Variants in LPP observed in about 807,000 individuals in gnomAD.
LPP encodes the protein lipoma-preferred partner.
LPP carries 38 observed loss-of-function variants against 60.4 expected under a neutral mutation model. That is an observed-to-expected ratio of 0.63 (90% CI 0.49 to 0.83). The LOEUF (loss-of-function observed/expected upper bound fraction) is 0.83, where lower values mean the gene tolerates loss of function less well. Among genes scored for constraint, LPP ranks in the 40% least tolerant of loss-of-function variants. The probability of loss-of-function intolerance (pLI) is 0.00; values close to 1 mark genes in which losing one functional copy is unlikely to be tolerated. For missense variants in LPP, 902 were observed against 783.6 expected (o/e 1.15, Z -1.80); for synonymous variants, 328 against 290.8 (o/e 1.13, Z -1.30).
intron 9 of LPP, among the ~76,000 whole-genome samples, chr3:188,838,277 TG>T (rs1363773599): frequency 6.6e-6 from 1 of 151,778 alleles, no homozygotes; most frequent in Non-Finnish European, 1.5e-5. Context: ...ATTTTACGGA[TG>T]AAAAAAAGAT....
intron 2 of LPP, among the ~76,000 whole-genome samples, chr3:188,339,780 T>C (rs568441255): frequency 1.1e-3 from 166 of 152,310 alleles, no homozygotes; most frequent in Admixed American, 1.4e-3. Context: ...TATCACACTC[T>C]TCACAAAACT....
chr3:188,815,308 A>G (rs1752168839), intron 9 of LPP, among the ~76,000 whole-genome samples: 1 of 152,184 alleles, frequency 6.6e-6, no homozygotes, highest in African/African-American at 2.4e-5. Flanking sequence ...CACCAATACA[A>G]TACAAGCATA....
chr3:188,675,051 T>C (rs1371760151), intron 7 of LPP, among the ~76,000 whole-genome samples: 1 of 97,388 alleles, frequency 1.0e-5, no homozygotes, highest in Non-Finnish European at 2.0e-5. Context: ...ATAGGAGTAA[T>C]TCAGAAATTT....
intron 1 of LPP, among the ~76,000 whole-genome samples, chr3:188,188,075 C>T (rs1157886785): frequency 1.3e-5 from 2 of 152,062 alleles, no homozygotes; most frequent in African/African-American, 4.8e-5. Context: ...ATAAATAATA[C>T]TCTTTTGAAC....
chr3:188,599,722 C>T (rs572850538), intron 6 of LPP, among the ~76,000 whole-genome samples: 6 of 149,248 alleles, frequency 4.0e-5, no homozygotes, highest in African/African-American at 1.5e-4. Context: ...GTGCATCTCT[C>T]TGGCAAAAAC....
At chr3:188,800,284 C>T (rs111658980) in intron 9 of LPP, among the ~76,000 whole-genome samples, 12,005 of 122,472 alleles carry the variant, frequency 0.098, 714 homozygotes, top group African/African-American at 0.18. Flanking sequence ...CTCGCTCTGT[C>T]GCTCAGGCTG....
intron 8 of LPP, among the ~76,000 whole-genome samples, chr3:188,723,909 C>G (rs1039091481): frequency 3.9e-5 from 6 of 152,058 alleles, no homozygotes; most frequent in South Asian, 4.1e-4. Flanking sequence ...GCACATCTTT[C>G]TTATCTTACT....
intron 2 of LPP, among the ~76,000 whole-genome samples, chr3:188,240,366 T>TGAGA: frequency 6.8e-6 from 1 of 147,494 alleles, no homozygotes; most frequent in African/African-American, 2.7e-5. Context: ...TGTGTGTGTG[T>TGAGA]GTGTGTGTGT....
At chr3:188,229,773 A>G (rs1254145033) in intron 2 of LPP, among the ~76,000 whole-genome samples, 2 of 152,194 alleles carry the variant, frequency 1.3e-5, no homozygotes, top group Non-Finnish European at 2.9e-5. Flanking sequence ...CTTCTGGCAC[A>G]GTGGAGATAC....
chr3:188,857,845 G>T (rs1368328186), intron 9 of LPP, among the ~76,000 whole-genome samples: 1 of 152,090 alleles, frequency 6.6e-6, no homozygotes. Context: ...TAGAAATACG[G>T]TGCTTCAGTG....
chr3:188,328,139 C>T (rs1323209104), intron 2 of LPP, among the ~76,000 whole-genome samples: 2 of 152,058 alleles, frequency 1.3e-5, no homozygotes, highest in African/African-American at 2.4e-5. Context: ...CAAAACTTGA[C>T]AGTTTTCACA....
chr3:188,530,808 G>A (rs774702308), intron 6 of LPP, among the ~76,000 whole-genome samples: 2 of 152,132 alleles, frequency 1.3e-5, no homozygotes, highest in Non-Finnish European at 2.9e-5. Context: ...AACTTATGAC[G>A]TTGTAACATC....
intron 9 of LPP, among the ~76,000 whole-genome samples, chr3:188,848,188 G>A (rs1163906605): frequency 6.6e-6 from 1 of 152,172 alleles, no homozygotes; most frequent in Non-Finnish European, 1.5e-5. Context: ...TAATTGTTAT[G>A]TATGTACCCA....
At chr3:188,547,836 G>A (rs1164485088) in intron 6 of LPP, among the ~76,000 whole-genome samples, 3 of 152,144 alleles carry the variant, frequency 2.0e-5, no homozygotes, top group Non-Finnish European at 2.9e-5. Flanking sequence ...AAATGGCAGA[G>A]TTTGAGGTGT....
intron 9 of LPP, among the ~76,000 whole-genome samples, chr3:188,780,730 G>A (rs531659826): frequency 3.3e-5 from 5 of 151,876 alleles, no homozygotes; most frequent in African/African-American, 9.7e-5. Flanking sequence ...ATCCCACCCC[G>A]CCATTCTCAT....
At chr3:188,732,083 A>G (rs989368985) in intron 8 of LPP, among the ~76,000 whole-genome samples, 3 of 152,208 alleles carry the variant, frequency 2.0e-5, no homozygotes, top group African/African-American at 7.2e-5. Flanking sequence ...TTTCCTGAGA[A>G]TAGTTAGGTC....
At chr3:188,781,891 CAAA>C (rs1302969471) in intron 9 of LPP, among the ~76,000 whole-genome samples, 2 of 79,130 alleles carry the variant, frequency 2.5e-5, no homozygotes, top group Non-Finnish European at 2.7e-5. Flanking sequence ...GACTCCGTCT[CAAA>C]AAAAAAAAAA....
chr3:188,227,575 G>A (rs748192495), intron 2 of LPP, among the ~76,000 whole-genome samples: 1 of 152,070 alleles, frequency 6.6e-6, no homozygotes, highest in Admixed American at 6.6e-5. Flanking sequence ...GGGTGATTCT[G>A]CAAACCTAGA....
intron 9 of LPP, among the ~76,000 whole-genome samples, chr3:188,864,413 G>A (rs1766066241): frequency 6.6e-6 from 1 of 152,146 alleles, no homozygotes; most frequent in Admixed American, 6.5e-5. Context: ...GTGCATTATA[G>A]GACAGAGAAA....
Sources: allele counts gnomAD v4.1 joint callset (sites outside exome capture counted in the v4.1 genomes callset), GRCh38; gene constraint gnomAD v4.1.1; transcripts MANE v1.5; gene names NCBI Gene and HGNC (gene_info 2026-07-23, HGNC 2026-07-21).